The following RBFOX1 variants were observed in gnomAD, a reference collection of about 807,000 sequenced individuals.
RBFOX1 encodes RNA binding protein fox-1 homolog 1.
A neutral mutation model predicts 57.7 loss-of-function variants in RBFOX1; 8 were observed. The observed-to-expected ratio is 0.14, with a 90% confidence interval of 0.08 to 0.25. The LOEUF is 0.25. Ranked by LOEUF, RBFOX1 falls within the 10% of genes least tolerant of loss-of-function variation. RBFOX1 has a pLI of 1.00. For synonymous variants in RBFOX1, 326 were observed against 222.4 expected, an observed-to-expected ratio of 1.47 and a Z score of -4.15; for missense variants, 611 against 548.5, an observed-to-expected ratio of 1.11 and a Z score of -1.14.
At chr16:7,205,169 G>A (rs1011116617) in intron 4 of RBFOX1, among the ~76,000 whole-genome samples, 1 of 152,042 alleles carries the variant, frequency 6.6e-6, no homozygotes, top group East Asian at 1.9e-4. Context: ...GAAAAATAGT[G>A]AGAGAGATGA....
chr16:7,421,131 G>C (rs1294647250), intron 4 of RBFOX1, among the ~76,000 whole-genome samples: 1 of 152,076 alleles, frequency 6.6e-6, no homozygotes, highest in African/African-American at 2.4e-5. Context: ...GGCCAAGGTG[G>C]AGAAGGCACT....
intron 4 of RBFOX1, among the ~76,000 whole-genome samples, chr16:7,420,938 T>TACACAC (rs917264873): frequency 2.1e-5 from 3 of 140,128 alleles, no homozygotes; most frequent in African/African-American, 8.0e-5. Context: ...CATATATATA[T>TACACAC]ACACACACAC....
chr16:7,494,556 C>T (rs2067968764), intron 4 of RBFOX1, among the ~76,000 whole-genome samples: 2 of 152,160 alleles, frequency 1.3e-5, no homozygotes, highest in Admixed American at 1.3e-4. Context: ...CAGAGATGTT[C>T]AGCATAGTGA....
intron 1 of RBFOX1, among the ~76,000 whole-genome samples, chr16:6,241,802 C>T (rs958932334): frequency 1.3e-5 from 2 of 152,176 alleles, no homozygotes; most frequent in African/African-American, 2.4e-5. Context: ...CACAAACTCT[C>T]TTAATCAGCT....
rs2096828940 is a variant in RBFOX1, at chr16:6,155,039, T to A, written c.-127+135047T>A. Among the ~76,000 whole-genome samples, 4 of 152,340 alleles carry A rather than the reference T, an allele frequency of 2.6e-5. No homozygotes were observed. In the South Asian group the frequency reaches 8.3e-4, roughly 32 times the overall value. On this transcript the variant is annotated intron_variant, in intron 1 of 15. Transcript: ENST00000550418. Reference sequence around the variant, plus strand: ...GCTAACAAGGGTCAATTATATAAATTTTTATTGGAGGAAATAGGAATGCTG... The same window carrying A: ...GCTAACAAGGGTCAATTATATAAATATTTATTGGAGGAAATAGGAATGCTG...
rs115324993 is a variant in RBFOX1 at position 7,406,969 on chromosome 16, T to G, written c.28-111178T>G. 4.4e-3 allele frequency among the ~76,000 whole-genome samples: 664 copies of G among 152,288 alleles called. 5 individuals are homozygous for G. Among genetic ancestry groups the G allele is most frequent in the African/African-American group, 0.015 (607 of 41,558 alleles). On this transcript the variant is annotated intron_variant, in intron 4 of 15. Coordinates refer to ENST00000550418, the MANE Select transcript of RBFOX1 (RefSeq NM_018723.4). Reference sequence around the variant, plus strand: ...TCTCTCTCTGTCTCTGCCTCTGCGTTTGTATGTCCTGTGATCTCTTAAGGA... The same window carrying G: ...TCTCTCTCTGTCTCTGCCTCTGCGTGTGTATGTCCTGTGATCTCTTAAGGA...
At chr16:7,699,261 G>GC (rs2079842283) in intron 14 of RBFOX1, among the ~76,000 whole-genome samples, 1 of 92,152 alleles carries the variant, frequency 1.1e-5, no homozygotes, top group Admixed American at 1.2e-4. Flanking sequence ...CCTGATCTTA[G>GC]CTTCCTGTAA....
chr16:7,597,562 T>C, intron 9 of RBFOX1, 131 bp downstream of exon 9: 3 of 698,682 alleles, frequency 4.3e-6, no homozygotes, highest in Non-Finnish European at 7.0e-6. Context: ...ACTGACCTGC[T>C]ACAGTGAACC....
chr16:7,156,435 G>A lies in RBFOX1; in HGVS notation c.27+104337G>A, dbSNP rs189876214. Among the ~76,000 whole-genome samples, 284 of 151,910 alleles carry A rather than the reference G, an allele frequency of 1.9e-3. 1 individual carries two copies. The highest frequency in any genetic ancestry group is 6.5e-3 in the African/African-American group (271 of 41,424). On this transcript the variant is annotated intron_variant, in intron 4 of 15. Coordinates refer to ENST00000550418, the MANE Select transcript of RBFOX1 (RefSeq NM_018723.4). ...TGTGCGTATAGTTGTACATACACATGTAGATATGCATATATGTGTACATAT... is the reference window on the plus strand; with the variant it reads ...TGTGCGTATAGTTGTACATACACATATAGATATGCATATATGTGTACATAT...
intron 3 of RBFOX1, among the ~76,000 whole-genome samples, chr16:5,696,420 C>G (rs2050843407): frequency 6.6e-6 from 1 of 152,168 alleles, no homozygotes; most frequent in Non-Finnish European, 1.5e-5. Flanking sequence ...TACTGGTGGA[C>G]ATTCAGGTTA....
At chr16:7,049,222 C>G (rs112549837) in intron 3 of RBFOX1, among the ~76,000 whole-genome samples, 6 of 152,128 alleles carry the variant, frequency 3.9e-5, no homozygotes, top group African/African-American at 1.4e-4. Flanking sequence ...TTTAATTTTT[C>G]TGTTCACCTG....
intron 3 of RBFOX1, among the ~76,000 whole-genome samples, chr16:6,791,292 T>C (rs1203072822): frequency 6.6e-6 from 1 of 152,238 alleles, no homozygotes; most frequent in East Asian, 1.9e-4. Flanking sequence ...ATTGCTTTTC[T>C]TTTTTAATAC....
intron 3 of RBFOX1, among the ~76,000 whole-genome samples, chr16:5,835,524 C>T (rs763594017): frequency 6.6e-6 from 1 of 152,098 alleles, no homozygotes; most frequent in Admixed American, 6.5e-5. Context: ...AGTCCAGATT[C>T]CCAGGACCCT....
intron 4 of RBFOX1, among the ~76,000 whole-genome samples, chr16:5,991,304 C>A (rs1294152280): frequency 1.3e-5 from 2 of 152,166 alleles, no homozygotes; most frequent in African/African-American, 4.8e-5. Context: ...ATATACGTCT[C>A]CCAGGTCTGA....
At chr16:6,207,528 A>T (rs2097263145) in intron 1 of RBFOX1, among the ~76,000 whole-genome samples, 1 of 152,114 alleles carries the variant, frequency 6.6e-6, no homozygotes, top group South Asian at 2.1e-4. Flanking sequence ...GAAGAAGAAG[A>T]GATTCAAGGA....
rs188995706 is a variant in RBFOX1 at position 5,608,479 on chromosome 16, T to A, written c.318+9518T>A. On this transcript the variant is annotated intron_variant, in intron 3 of 19. Transcript: ENST00000641259. ...TTGAGTCCCAGCCCTGCCACCTATT[T>A]GTTGTGGAAGCCTGGGCCAGTGGCT... 2.6e-5 allele frequency among the ~76,000 whole-genome samples: 4 copies of A among 152,286 alleles called. No homozygotes were observed. The East Asian group carries it at 7.7e-4, about 29-fold the overall frequency.
At chr16:7,220,648 G>C (rs1041157800) in intron 4 of RBFOX1, among the ~76,000 whole-genome samples, 1 of 152,128 alleles carries the variant, frequency 6.6e-6, no homozygotes, top group African/African-American at 2.4e-5. Flanking sequence ...CTGGACTTTT[G>C]AATTATCTTC....
At chr16:6,401,504 A>G (rs2093066797) in intron 2 of RBFOX1, among the ~76,000 whole-genome samples, 1 of 152,200 alleles carries the variant, frequency 6.6e-6, no homozygotes, top group Non-Finnish European at 1.5e-5. Flanking sequence ...GAAGGGCATG[A>G]AATGATCTTT....
At chr16:7,096,981 C>T (rs1020289779) in intron 4 of RBFOX1, among the ~76,000 whole-genome samples, 1 of 148,812 alleles carries the variant, frequency 6.7e-6, no homozygotes, top group Non-Finnish European at 1.5e-5. Context: ...TGGTGGTTTC[C>T]CAGGAAATAT....
Sources: gnomAD v4.1 joint callset for allele counts (sites outside exome capture counted in the v4.1 genomes callset) on GRCh38, gnomAD v4.1.1 for gene constraint, MANE v1.5 for transcripts, NCBI Gene and HGNC (gene_info 2026-07-23, HGNC 2026-07-21) for gene names.